The following TNN variants were observed in gnomAD, a reference collection of about 807,000 sequenced individuals.
The protein encoded by TNN is tenascin N.
TNN carries 122 observed loss-of-function variants against 134.4 expected under a neutral mutation model. The observed-to-expected ratio is 0.91, with a 90% CI of 0.78 to 1.06. TNN has a LOEUF of 1.06. Ranked by LOEUF, TNN falls within the 50% of genes least tolerant of loss-of-function variation. TNN has a pLI of 0.00. For synonymous variants in TNN, 710 were observed against 670.3 expected, an observed-to-expected ratio of 1.06 and a Z score of -0.91; for missense variants, 1,739 against 1,699.4, an observed-to-expected ratio of 1.02 and a Z score of -0.41.
chr1:175,069,588 G>A (rs957918043), intron 1 of TNN, among the ~76,000 whole-genome samples: 1 of 152,214 alleles, frequency 6.6e-6, no homozygotes, highest in African/African-American at 2.4e-5. Context: ...GGAAACTTTT[G>A]TCCATTCACT....
At chr1:175,128,519 C>T in intron 14 of TNN, 76 bp from the exon 15 acceptor site, 1 of 1,464,030 alleles carries the variant, frequency 6.8e-7, no homozygotes, top group Non-Finnish European at 9.1e-7. Flanking sequence ...AAATAAATTG[C>T]CTTAAAATAG....
rs1435937037 is a variant in TNN at position 175,092,485 on chromosome 1, ACTGT to A, written c.1325-1502_1325-1499del. On this transcript the variant is annotated intron_variant, in intron 6 of 18. Coordinates refer to ENST00000239462, the MANE Select transcript of TNN (RefSeq NM_022093.2). Reference sequence around the variant, plus strand: ...CAAGAACGAGTTTCTCTCTCTAGTTACTGTCTATTACTGCTGCTGGATTTCATGT... The same window carrying A: ...CAAGAACGAGTTTCTCTCTCTAGTTACTATTACTGCTGCTGGATTTCATGT... Among the ~76,000 whole-genome samples, 4 of 152,276 alleles carry A rather than the reference ACTGT, an allele frequency of 2.6e-5. No individual in the cohort carries two copies. The East Asian group carries it at 7.7e-4, about 29-fold the overall frequency.
chr1:175,085,613 G>T (rs1674306784), intron 6 of TNN, 119 bp downstream of exon 6: 1 of 743,900 alleles, frequency 1.3e-6, no homozygotes, highest in South Asian at 1.6e-5. Flanking sequence ...GGTGGCTCAC[G>T]CCTGTAATCC....
intron 7 of TNN, 118 bp from the exon 8 acceptor site, chr1:175,097,299 A>G (rs1346520383): frequency 2.3e-6 from 3 of 1,311,338 alleles, no homozygotes; most frequent in Admixed American, 4.2e-5. Context: ...TAACTCAATC[A>G]TTGACATATT....
rs758891558 is a variant in TNN, at chr1:175,079,401, G to A, written c.478G>A (p.Gly160Ser). 24 of 1,597,088 alleles carry A rather than the reference G, an allele frequency of 1.5e-5. No homozygotes were observed. Among genetic ancestry groups the A allele is most frequent in the Non-Finnish European group, 2.0e-5 (24 of 1,175,466 alleles). Residue 160 changes from glycine to serine, a missense_variant, in exon 3 of 19, where the codon GGC becomes AGC. Transcript: ENST00000239462. ...GACCTGCAGCTGCCACTGCGAAGAGGGCAGGGAGGGCCCCGCCTGCGAGCG... is the reference window on the plus strand; with the variant it reads ...GACCTGCAGCTGCCACTGCGAAGAGAGCAGGGAGGGCCCCGCCTGCGAGCG... ...LETCSCHCEE[G>S]REGPACERLA...
chr1:175,145,130 C>T (rs1404725783), intron 18 of TNN, among the ~76,000 whole-genome samples: 1 of 152,094 alleles, frequency 6.6e-6, no homozygotes, highest in African/African-American at 2.4e-5. Flanking sequence ...CTTCCAGAGG[C>T]CCCCTCTACA....
chr1:175,141,094 T>G (rs1056841338), intron 17 of TNN, among the ~76,000 whole-genome samples: 77 of 152,180 alleles, frequency 5.1e-4, no homozygotes, highest in Admixed American at 5.0e-3. Flanking sequence ...GGCCCTCAAC[T>G]TTTGACTTCC....
intron 3 of TNN, 82 bp downstream of exon 3, chr1:175,079,789 T>C (rs1674155203): frequency 6.8e-7 from 1 of 1,473,014 alleles, no homozygotes. Context: ...GTTGTCATCT[T>C]TGGGGGTCTC....
chr1:175,142,624 C>CTT (rs67784796), intron 17 of TNN, among the ~76,000 whole-genome samples: 73 of 146,748 alleles, frequency 5.0e-4, no homozygotes, highest in Admixed American at 2.0e-3. Context: ...TTTTTCTTTT[C>CTT]TTTTTTTTTT....
chr1:175,125,745 CTT>C (rs1558369422), intron 12 of TNN, among the ~76,000 whole-genome samples: 121 of 133,388 alleles, frequency 9.1e-4, no homozygotes, highest in Non-Finnish European at 1.6e-3. Context: ...TTCTTTCTTT[CTT>C]TCTTTCTTTC....
rs1172463483 is a variant in TNN, at chr1:175,104,764, AT to A, written c.2119+6170del. ...CTGTGGCTGATTGGGTAATAAACTT[AT>A]CTTTTAGAATCAATTGACCCTCGAG... On this transcript the variant is annotated intron_variant, in intron 9 of 18. Transcript: ENST00000239462. Among the ~76,000 whole-genome samples, 2 of 145,676 alleles carry A rather than the reference AT, an allele frequency of 1.4e-5. 1 individual carries two copies. The highest frequency in any genetic ancestry group is 4.9e-5 in the African/African-American group (2 of 40,452).
chr1:175,144,457 C>T lies in TNN; in HGVS notation c.3666C>T (p.Ser1222=), dbSNP rs767767783. 6.2e-7 allele frequency: 1 copy of T among 1,614,216 alleles called. No homozygotes were observed. Among genetic ancestry groups the T allele is most frequent in the South Asian group, 1.1e-5 (1 of 91,086 alleles). The part of the protein sequence containing the change: ...TFDRDNDIAL[S]NCALTHHGGW... Reference sequence around the variant, plus strand: ...ACAGAGACAATGATATCGCACTCAGCAACTGTGCCCTGACACATCATGGTG... The same window carrying T: ...ACAGAGACAATGATATCGCACTCAGTAACTGTGCCCTGACACATCATGGTG... The change falls in exon 18 of 19, where the codon AGC becomes AGT. Residue 1222 remains serine, a synonymous_variant. Coordinates refer to ENST00000239462, the MANE Select transcript of TNN (RefSeq NM_022093.2).
At position 175,109,136 on chromosome 1, in the gene TNN, C is replaced by T. The variant is rs796583927; in HGVS notation, c.2120-7803C>T. ...TCGCTCTGTCGCCCAGGCCGGACTG[C>T]GGACTGCAGTGGCGCAATCTCGGCT... On this transcript the variant is annotated intron_variant, in intron 9 of 18. Transcript: ENST00000239462. Among the ~76,000 whole-genome samples, 368 of 121,804 alleles carry T rather than the reference C, an allele frequency of 3.0e-3. 5 individuals are homozygous for T. The highest frequency in any genetic ancestry group is 0.011 in the African/African-American group (348 of 31,588). 79.9% of individuals were successfully genotyped at this position (121,804 alleles called of 152,430 possible). A position where few individuals can be genotyped will look rare whatever the true frequency, so the allele number is the denominator to read the frequency against.
At chr1:175,126,377 G>A (rs1289332989) in intron 12 of TNN, among the ~76,000 whole-genome samples, 1 of 152,142 alleles carries the variant, frequency 6.6e-6, no homozygotes, top group African/African-American at 2.4e-5. Context: ...TGGGATTACA[G>A]GCATGAGCCA....
chr1:175,142,134 C>T (rs765300308), intron 17 of TNN, among the ~76,000 whole-genome samples: 1 of 152,140 alleles, frequency 6.6e-6, no homozygotes, highest in African/African-American at 2.4e-5. Context: ...TAGAGGGAGG[C>T]GGAAATGTGT....
chr1:175,108,198 G>T (rs1258924205), intron 9 of TNN, among the ~76,000 whole-genome samples: 1 of 141,506 alleles, frequency 7.1e-6, no homozygotes, highest in East Asian at 2.2e-4. Context: ...CAGGGTGCTG[G>T]TTGGGGTATT....
At chr1:175,140,130 T>C (rs1675911124) in intron 17 of TNN, among the ~76,000 whole-genome samples, 1 of 152,266 alleles carries the variant, frequency 6.6e-6, no homozygotes, top group South Asian at 2.1e-4. Context: ...TGACAGCTTA[T>C]TCCAGGTTCT....
intron 5 of TNN, among the ~76,000 whole-genome samples, chr1:175,084,662 C>T (rs773234266): frequency 5.3e-5 from 8 of 152,158 alleles, no homozygotes; most frequent in Non-Finnish European, 1.0e-4. Context: ...GCTGTCCACT[C>T]CTTGAGTTCT....
In TNN at chr1:175,118,721, C is replaced by A. The variant is rs770180052; in HGVS notation, c.2547C>A (p.Ser849Arg). 9 of 1,614,106 alleles carry A rather than the reference C, an allele frequency of 5.6e-6. No individual in the cohort carries two copies. The highest frequency in any genetic ancestry group is 1.7e-6 in the Non-Finnish European group (2 of 1,180,048). ...TTCCAGTGGGGAAGGAGCAGAGCAG[C>A]ACTGTCCTGACGGGCCTGAGGCCGG... ...REVPVGKEQS[S>R]TVLTGLRPGM... Residue 849 changes from serine (S) to arginine (R), a missense_variant, in exon 11 of 19, where the codon AGC becomes AGA. Transcript: ENST00000239462.
Sources: allele counts gnomAD v4.1 joint callset (sites outside exome capture counted in the v4.1 genomes callset), GRCh38; gene constraint gnomAD v4.1.1; transcripts MANE v1.5; gene names NCBI Gene and HGNC (gene_info 2026-07-23, HGNC 2026-07-21).